The following PCNT variants were observed in gnomAD, a reference collection of about 807,000 sequenced individuals.
The protein encoded by PCNT is pericentrin.
Under a neutral mutation model 380.4 loss-of-function variants are expected in PCNT, and 319 were observed. That is an observed-to-expected ratio of 0.84 (90% CI 0.77 to 0.92). The LOEUF is 0.92. Ranked by LOEUF, PCNT falls within the 40% of genes least tolerant of loss-of-function variation. The pLI, the probability that PCNT is intolerant of heterozygous loss-of-function variation, is 0.00. For synonymous variants in PCNT, 1,845 were observed against 1,735.2 expected, an observed-to-expected ratio of 1.06 and a Z score of -1.57; for missense variants, 4,400 against 4,255.3, an observed-to-expected ratio of 1.03 and a Z score of -0.95.
At chr21:46,361,057 T>G (rs2084696583) in intron 13 of PCNT, among the ~76,000 whole-genome samples, 2 of 152,222 alleles carry the variant, frequency 1.3e-5, no homozygotes, top group Non-Finnish European at 1.5e-5. Context: ...AAGTTATTCC[T>G]CTTTGCATTA....
intron 25 of PCNT, among the ~76,000 whole-genome samples, chr21:46,400,512 C>CTTTTTTTTTTTTT: frequency 1.2e-5 from 1 of 84,540 alleles, no homozygotes; most frequent in Non-Finnish European, 2.2e-5. Flanking sequence ...GTGTCTGATT[C>CTTTTTTTTTTTTT]TTTTTTTTTT....
chr21:46,359,491 G>GTTTTTTTTTTTTTTTTTTTTT lies in PCNT; in HGVS notation c.2154+2316_2154+2317insTTTTTTTTTTTTTTTTTTTTT, dbSNP rs1219693835. 2.9e-4 allele frequency among the ~76,000 whole-genome samples: 19 copies of GTTTTTTTTTTTTTTTTTTTTT among 66,072 alleles called. 3 individuals are homozygous for GTTTTTTTTTTTTTTTTTTTTT. Among genetic ancestry groups the GTTTTTTTTTTTTTTTTTTTTT allele is most frequent in the Middle Eastern group, 0.016 (1 of 62 alleles). The allele number at this position is 66,072 out of a possible 152,430, so 43.3% of individuals were successfully genotyped here. ...CCAAAAATACACCTGTTTTTTTTTT[G>GTTTTTTTTTTTTTTTTTTTTT]TTTTTTTTTTTTTTTTGAGACAGTG... On this transcript the variant is annotated intron_variant, in intron 13 of 46. Transcript: ENST00000359568.
intron 7 of PCNT, 149 bp downstream of exon 7, chr21:46,349,335 G>A: frequency 3.9e-6 from 3 of 764,108 alleles, no homozygotes; most frequent in Non-Finnish European, 7.1e-6. Flanking sequence ...ACACGCTGGT[G>A]GCCGTCATGG....
rs1228548680 is a variant in PCNT, at chr21:46,427,739, G to C, written c.7438G>C (p.Asp2480His). The C allele has an allele frequency of 1.9e-6, 3 of 1,613,850 alleles. No individual in the cohort carries two copies. Among genetic ancestry groups the C allele is most frequent in the Non-Finnish European group, 1.7e-6 (2 of 1,180,038 alleles). Residue 2480 changes from aspartate to histidine, a missense_variant, in exon 34 of 47, where the codon GAT becomes CAT. Coordinates refer to ENST00000359568, the MANE Select transcript of PCNT (RefSeq NM_006031.6). ...GCTGCAGCCCCGACTCAGTGGCTCA[G>C]ATCTGGGGGGTCACAGCTCCCTGCT... Reference protein sequence around the residue: ...VELQPRLSGSDLGGHSSLLER... With the variant: ...VELQPRLSGSHLGGHSSLLER...
chr21:46,324,164 T>C lies in PCNT; in HGVS notation c.-65T>C. 2.9e-6 allele frequency: 4 copies of C among 1,389,978 alleles called. No homozygotes were observed. Among genetic ancestry groups the C allele is most frequent in the South Asian group, 1.2e-5 (1 of 82,872 alleles). The allele number at this position is 1,389,978 out of a possible 1,614,324, so 86.1% of individuals were successfully genotyped here. ...CCAAGCGCGGGGGAGGGAGTGTAAATAGAGCGAAGGCTGCTCTGTGTCAGC... is the reference window on the plus strand; with the variant it reads ...CCAAGCGCGGGGGAGGGAGTGTAAACAGAGCGAAGGCTGCTCTGTGTCAGC... On this transcript the variant is annotated 5_prime_UTR_variant, in exon 1 of 47. Coordinates refer to ENST00000359568, the MANE Select transcript of PCNT (RefSeq NM_006031.6).
intron 27 of PCNT, among the ~76,000 whole-genome samples, chr21:46,409,479 T>C (rs2147639558): frequency 6.6e-6 from 1 of 152,134 alleles, no homozygotes; most frequent in South Asian, 2.1e-4. Flanking sequence ...TGAGCCACTG[T>C]GCCCCGCCAG....
intron 21 of PCNT, 35 bp from the exon 22 acceptor site, chr21:46,397,230 G>A (rs777818907): frequency 2.6e-6 from 4 of 1,538,616 alleles, no homozygotes; most frequent in Admixed American, 1.7e-5. Context: ...TGAGGTGCGG[G>A]GGTGTCCCCG....
At chr21:46,396,450 C>G (rs2086213510) in intron 21 of PCNT, among the ~76,000 whole-genome samples, 1 of 152,198 alleles carries the variant, frequency 6.6e-6, no homozygotes, top group Non-Finnish European at 1.5e-5. Flanking sequence ...ACTCCCAAAG[C>G]CGCTTATTGA....
In PCNT at chr21:46,384,484, G is replaced by A. The variant is rs577411341; in HGVS notation, c.3313-1348G>A. ...GTGTTGTGCATTCAGTGGCAGAAGC[G>A]CATTCACGGTGTTGTACATTCAGTG... is the stretch of plus-strand genomic sequence containing the variant. On this transcript the variant is annotated intron_variant, in intron 16 of 46. Coordinates refer to ENST00000359568, the MANE Select transcript of PCNT (RefSeq NM_006031.6). 4.1e-5 allele frequency among the ~76,000 whole-genome samples: 6 copies of A among 146,386 alleles called. No individual in the cohort carries two copies. In the South Asian group the frequency reaches 6.9e-4, roughly 17 times the overall value.
At chr21:46,436,469 G>GCCCCC (rs769557050) in intron 39 of PCNT, among the ~76,000 whole-genome samples, 42 of 40,034 alleles carry the variant, frequency 1.0e-3, no homozygotes, top group Non-Finnish European at 1.7e-3. Context: ...AGCCTCCTGT[G>GCCCCC]GCCCCCCCCC....
At chr21:46,334,050 C>T (rs2083648349) in intron 2 of PCNT, among the ~76,000 whole-genome samples, 1 of 151,516 alleles carries the variant, frequency 6.6e-6, no homozygotes, top group African/African-American at 2.4e-5. Flanking sequence ...ACTAAAAATA[C>T]AAAAATTAGC....
chr21:46,426,214 A>G lies in PCNT; in HGVS notation c.7320+243A>G, dbSNP rs558407874. ...ATGCCCAGCTAATTTTTGTATTTTT[A>G]GTAGAGACGGGCTTTCACCATCTTA... On this transcript the variant is annotated intron_variant, in intron 33 of 46. Coordinates refer to ENST00000359568, the MANE Select transcript of PCNT (RefSeq NM_006031.6). Among the ~76,000 whole-genome samples the G allele has an allele frequency of 5.4e-5, 8 of 149,426 alleles. 1 individual carries two copies. The East Asian group carries it at 1.0e-3, about 19-fold the overall frequency.
At chr21:46,334,037 T>A (rs1351953653) in intron 2 of PCNT, among the ~76,000 whole-genome samples, 2 of 151,812 alleles carry the variant, frequency 1.3e-5, no homozygotes, top group African/African-American at 2.4e-5. Flanking sequence ...AAACCCTGTC[T>A]CTACTAAAAA....
intron 24 of PCNT, among the ~76,000 whole-genome samples, chr21:46,398,896 TGC>T (rs536815926): frequency 9.7e-4 from 144 of 148,682 alleles, no homozygotes; most frequent in African/African-American, 3.4e-3. Flanking sequence ...CTCAGCTCAC[TGC>T]AAGCTCCACC....
rs751404200 is a variant in PCNT, at chr21:46,438,351, C to CTT, written c.9273+15_9273+16dup. 3 of 1,612,176 alleles carry CTT rather than the reference C, an allele frequency of 1.9e-6. No homozygotes were observed. The South Asian group carries it at 3.3e-5, about 18-fold the overall frequency. On this transcript the variant is annotated intron_variant, in intron 41 of 46. Coordinates refer to ENST00000359568, the MANE Select transcript of PCNT (RefSeq NM_006031.6). ...TGCAGCCCAAGCGTAGGTGTCTGTG[C>CTT]TTAACTCTTACCTGCCTCAGCCTAA...
Position 46,411,200 on chromosome 21 carries a change from C to T in PCNT, c.5127C>T (p.Thr1709=), listed in dbSNP as rs768164811. The T allele has an allele frequency of 6.2e-7, 1 of 1,613,944 alleles. No homozygotes were observed. The highest frequency in any genetic ancestry group is 1.7e-5 in the Admixed American group (1 of 60,028). ...EENTSLKVIY[T]RSSEIEELKA... ...TCCTCTCTCTTCAGGTCATATATAC[C>T]AGAAGTTCTGAGATTGAAGAGCTGA... The change falls in exon 28 of 47, where the codon ACC becomes ACT. Residue 1709 remains threonine, a synonymous_variant. Transcript: ENST00000359568.
In PCNT at chr21:46,413,261, CCCT is replaced by C. The variant is rs1569272566; in HGVS notation, c.6150+270_6150+272del. 2.1e-4 allele frequency among the ~76,000 whole-genome samples: 25 copies of C among 120,542 alleles called. 2 individuals are homozygous for C. Among genetic ancestry groups the C allele is most frequent in the African/African-American group, 8.4e-4 (22 of 26,192 alleles). The allele number at this position is 120,542 out of a possible 152,430, so 79.1% of individuals were successfully genotyped here. A position where few individuals can be genotyped will look rare whatever the true frequency, so the allele number is the denominator to read the frequency against. ...TGGGGAGGGGGAAGGCGTGAGGCCCCCCTGGGAGAGGCTGGACACGCGGCAGCA... is the reference window on the plus strand; with the variant it reads ...TGGGGAGGGGGAAGGCGTGAGGCCCCGGGAGAGGCTGGACACGCGGCAGCA... On this transcript the variant is annotated intron_variant, in intron 29 of 46. Transcript: ENST00000359568.
intron 10 of PCNT, 46 bp downstream of exon 10, chr21:46,353,372 G>A: frequency 1.3e-6 from 2 of 1,501,278 alleles, no homozygotes; most frequent in Non-Finnish European, 1.9e-6. Flanking sequence ...CCATACAGGG[G>A]CCAGGCTCTG....
rs151169005 is a variant in PCNT, at chr21:46,329,293, A to T, written c.267+2704A>T. Among the ~76,000 whole-genome samples the T allele has an allele frequency of 7.9e-5, 12 of 152,252 alleles. No individual in the cohort carries two copies. The East Asian group carries it at 2.3e-3, about 29-fold the overall frequency. On this transcript the variant is annotated intron_variant, in intron 2 of 46. Transcript: ENST00000359568. ...TCTTAGTTTCTAACTCTGCTATTTG[A>T]TGCATGCCTTCATTCAGGAAGATGA...
Sources: allele counts gnomAD v4.1 joint callset (sites outside exome capture counted in the v4.1 genomes callset), GRCh38; gene constraint gnomAD v4.1.1; transcripts MANE v1.5; gene names NCBI Gene and HGNC (gene_info 2026-07-23, HGNC 2026-07-21).